ITPRID2: variants seen among roughly 807,000 people sequenced by gnomAD.
The protein encoded by ITPRID2 is protein ITPRID2.
ITPRID2 carries 60 observed loss-of-function variants against 124.3 expected under a neutral mutation model. That is an observed-to-expected ratio of 0.48 (90% CI 0.39 to 0.60). The LOEUF is 0.60. Among genes scored for constraint, ITPRID2 ranks in the 20% least tolerant of loss-of-function variants. The pLI is 0.00. For missense variants in ITPRID2, 1,553 were observed against 1,512.2 expected (o/e 1.03, Z -0.45); for synonymous variants, 521 against 542.9 (o/e 0.96, Z 0.56).
At position 181,915,281 on chromosome 2, in the gene ITPRID2, G is replaced by A. The variant is rs574772362; in HGVS notation, c.1641G>A (p.Thr547=). The change falls in exon 11 of 18, where the codon ACG becomes ACA. Residue 547 remains threonine (T), a synonymous_variant. Transcript: ENST00000431877. ...GTTGTGACAGTGAGACAACAGTTAC[G>A]TCACTTGGTGAAGACCTTGCCACAC... The part of the protein sequence containing the change: ...ADSCDSETTV[T]SLGEDLATPT... 3.2e-5 allele frequency: 52 copies of A among 1,614,174 alleles called. No homozygotes were observed. In the Admixed American group the frequency reaches 4.7e-4, roughly 14 times the overall value.
chr2:181,897,941 A>C (rs951731418), intron 4 of ITPRID2, among the ~76,000 whole-genome samples: 1 of 152,058 alleles, frequency 6.6e-6, no homozygotes, highest in Non-Finnish European at 1.5e-5. Context: ...ATTCCCACTC[A>C]GTACAATTGA....
At position 181,918,748 on chromosome 2, in the gene ITPRID2, A is replaced by C. The variant is rs1322507867; in HGVS notation, c.2866-7A>C. 6.2e-7 allele frequency: 1 copy of C among 1,613,792 alleles called. No individual in the cohort carries two copies. ...TAGAAGTGTAATTTTGTTATATTGC[A>C]TTCTAGAATACTTTTCAGGAGCTCC... On this transcript the variant is annotated splice_polypyrimidine_tract_variant and splice_region_variant and intron_variant, in intron 12 of 17. Transcript: ENST00000431877.
chr2:181,899,099 G>T lies in ITPRID2; in HGVS notation c.490G>T (p.Gly164Trp). Reference sequence around the variant, plus strand: ...TTCCACTGGATCTGGGAAAAGTAGTGGGACAGTTTCAAGGTAACTTATTCT... The same window carrying T: ...TTCCACTGGATCTGGGAAAAGTAGTTGGACAGTTTCAAGGTAACTTATTCT... ...MNSTGSGKSS[G>W]TVSSVSELLE... The change falls in exon 6 of 18, where the codon GGG becomes TGG. Residue 164 changes from glycine (G) to tryptophan (W), a missense_variant. By Grantham distance (184) the Gly-to-Trp change is radical. Transcript: ENST00000431877. The T allele has an allele frequency of 6.2e-7, 1 of 1,606,216 alleles. No individual in the cohort carries two copies. The highest frequency in any genetic ancestry group is 8.5e-7 in the Non-Finnish European group (1 of 1,176,776).
rs1694105050 is a variant in ITPRID2, at chr2:181,916,909, C to G, written c.2787+482C>G. On this transcript the variant is annotated intron_variant, in intron 11 of 17. Coordinates refer to ENST00000431877, the MANE Select transcript of ITPRID2 (RefSeq NM_001130445.3). ...TCGTAGCTCTCTGACTAAGCTTTCC[C>G]CTTCACCTACTGACCCTCGATGCTG... 19 of 994,988 alleles carry G rather than the reference C, an allele frequency of 1.9e-5. No homozygotes were observed. The South Asian group carries it at 8.0e-4, about 42-fold the overall frequency. The allele number at this position is 994,988 out of a possible 1,614,324, so 61.6% of individuals were successfully genotyped here. A position where few individuals can be genotyped will look rare whatever the true frequency, so the allele number is the denominator to read the frequency against.
chr2:181,921,528 T>TCTGG lies in ITPRID2; in HGVS notation c.3211-420_3211-419insCTGG, dbSNP rs1694484351. 2.0e-5 allele frequency among the ~76,000 whole-genome samples: 3 copies of TCTGG among 152,298 alleles called. No individual in the cohort carries two copies. In the South Asian group the frequency reaches 6.2e-4, roughly 32 times the overall value. ...AATTTACATTTCAGGAGACATGTGC[T>TCTGG]TTCACAGTTTGATCCTGGTTCTTTA... On this transcript the variant is annotated intron_variant, in intron 15 of 17. Transcript: ENST00000431877.
chr2:181,903,515 C>T (rs180818900), intron 8 of ITPRID2, among the ~76,000 whole-genome samples: 1 of 145,920 alleles, frequency 6.9e-6, no homozygotes, highest in African/African-American at 2.5e-5. Context: ...CTCTCTTGCT[C>T]CCTCCCTCCC....
At chr2:181,893,510 A>G (rs1691931415) in intron 2 of ITPRID2, 2 of 152,304 alleles carry the variant, frequency 1.3e-5, no homozygotes, top group Middle Eastern at 3.4e-3. Context: ...TTCATATGCC[A>G]GTTTGCCTCC....
chr2:181,921,071 T>A (rs1369180097), intron 15 of ITPRID2, among the ~76,000 whole-genome samples: 1 of 152,192 alleles, frequency 6.6e-6, no homozygotes, highest in African/African-American at 2.4e-5. Context: ...GTAGTCCCAG[T>A]TACTCAGGAG....
At chr2:181,923,403 AATTT>A (rs1406872788) in intron 16 of ITPRID2, among the ~76,000 whole-genome samples, 1 of 152,190 alleles carries the variant, frequency 6.6e-6, no homozygotes, top group African/African-American at 2.4e-5. Flanking sequence ...TCATATCTGT[AATTT>A]ATTTTCATGA....
At chr2:181,927,243 A>T (rs1163993379) in intron 16 of ITPRID2, among the ~76,000 whole-genome samples, 1 of 152,264 alleles carries the variant, frequency 6.6e-6, no homozygotes, top group African/African-American at 2.4e-5. Flanking sequence ...GGCTGACAGG[A>T]AACTGGAAAT....
At chr2:181,901,310 T>G (rs1692645741) in intron 7 of ITPRID2, among the ~76,000 whole-genome samples, 1 of 152,182 alleles carries the variant, frequency 6.6e-6, no homozygotes, top group Non-Finnish European at 1.5e-5. Context: ...AGCCAAAGAT[T>G]CCAAAAATAG....
intron 10 of ITPRID2, 130 bp from the exon 11 acceptor site, chr2:181,915,086 T>G: frequency 9.4e-7 from 1 of 1,061,796 alleles, no homozygotes; most frequent in South Asian, 1.6e-5. Context: ...ATAAAACAAT[T>G]TTGAGCAACA....
At position 181,892,600 on chromosome 2, in the gene ITPRID2, T is replaced by C. The variant is rs1488969203; in HGVS notation, c.212-15T>C. Reference sequence around the variant, plus strand: ...TCCTGGGTGGTAACGTGCTGTCCCCTCTCTCTACCCCCAGGAAACGTGCCC... The same window carrying C: ...TCCTGGGTGGTAACGTGCTGTCCCCCCTCTCTACCCCCAGGAAACGTGCCC... On this transcript the variant is annotated splice_polypyrimidine_tract_variant and intron_variant, in intron 1 of 17. Transcript: ENST00000431877. The surrounding 1 kb of genome is among the most constrained non-coding windows in gnomAD (Gnocchi z 5.2). The C allele has an allele frequency of 6.2e-7, 1 of 1,614,024 alleles. No individual in the cohort carries two copies. The highest frequency in any genetic ancestry group is 1.3e-5 in the African/African-American group (1 of 75,030).
Position 181,910,005 on chromosome 2 carries a change from A to G in ITPRID2, c.1486+34A>G, listed in dbSNP as rs1693474736. On this transcript the variant is annotated intron_variant, in intron 9 of 17. Coordinates refer to ENST00000431877, the MANE Select transcript of ITPRID2 (RefSeq NM_001130445.3). This position sits in a 1 kb window ranked among gnomAD's most constrained non-coding sequence, Gnocchi z 4.1. ...ACCAGTATCCACTAGTTCTGAGCACATTATCAAATATTAGTTGATTTGGAA... is the reference window on the plus strand; with the variant it reads ...ACCAGTATCCACTAGTTCTGAGCACGTTATCAAATATTAGTTGATTTGGAA... The G allele has an allele frequency of 1.3e-6, 2 of 1,498,062 alleles. No individual in the cohort carries two copies. The highest frequency in any genetic ancestry group is 1.1e-5 in the South Asian group (1 of 87,314). The allele number at this position is 1,498,062 out of a possible 1,614,324, so 92.8% of individuals were successfully genotyped here. A position where few individuals can be genotyped will look rare whatever the true frequency, so the allele number is the denominator to read the frequency against.
At chr2:181,909,447 G>GT (rs1309892265) in intron 8 of ITPRID2, among the ~76,000 whole-genome samples, 2 of 152,102 alleles carry the variant, frequency 1.3e-5, no homozygotes, top group African/African-American at 4.8e-5. Context: ...CTACTTTGAA[G>GT]TTTAACGTAT....
chr2:181,892,209 C>A lies in ITPRID2; in HGVS notation c.143C>A (p.Thr48Lys). 2 of 1,552,144 alleles carry A rather than the reference C, an allele frequency of 1.3e-6. No homozygotes were observed. Among genetic ancestry groups the A allele is most frequent in the Non-Finnish European group, 1.7e-6 (2 of 1,147,636 alleles). ...GAGGATCTGTCCACAGAAGCGACGA[C>A]GCAGGACGAGGAGGAGGACGAGGAG... ...ETEDLSTEATTQDEEEDEEED... is the reference protein window; with the variant it reads ...ETEDLSTEATKQDEEEDEEED... The change falls in exon 1 of 18, where the codon ACG becomes AAG. Residue 48 changes from threonine (T) to lysine (K), a missense_variant. Transcript: ENST00000431877. The surrounding 1 kb of genome is among the most constrained non-coding windows in gnomAD (Gnocchi z 5.2).
chr2:181,904,661 G>A (rs115237235), intron 8 of ITPRID2, among the ~76,000 whole-genome samples: 22 of 152,278 alleles, frequency 1.4e-4, no homozygotes, highest in Non-Finnish European at 3.2e-4. Flanking sequence ...GATTCTTGCT[G>A]GGAATTTTCT....
Position 181,900,875 on chromosome 2 carries a change from A to C in ITPRID2, c.683A>C (p.Glu228Ala). 6.2e-7 allele frequency: 1 copy of C among 1,611,000 alleles called. No homozygotes were observed. Among genetic ancestry groups the C allele is most frequent in the South Asian group, 1.1e-5 (1 of 89,990 alleles). The change falls in exon 7 of 18, where the codon GAA (glutamate) becomes GCA (alanine). Residue 228 changes from glutamate (E) to alanine (A), a missense_variant. By Grantham distance (107) the Glu-to-Ala change is moderately radical (BLOSUM62 -1). Transcript: ENST00000431877. ...TTGAGTGCTCAGATGCAACGGATGGAAGTAGAAAACCCAAATTATGCTTTA... is the reference window on the plus strand; with the variant it reads ...TTGAGTGCTCAGATGCAACGGATGGCAGTAGAAAACCCAAATTATGCTTTA... Reference protein sequence around the residue: ...VFLSAQMQRMEVENPNYALTS... With the variant: ...VFLSAQMQRMAVENPNYALTS...
intron 16 of ITPRID2, among the ~76,000 whole-genome samples, chr2:181,922,909 A>G (rs977215104): frequency 6.6e-6 from 1 of 152,064 alleles, no homozygotes; most frequent in African/African-American, 2.4e-5. Context: ...GCAGCAGAGC[A>G]AGACTCCATC....
Sources: gnomAD v4.1 joint callset for allele counts (sites outside exome capture counted in the v4.1 genomes callset) on GRCh38, gnomAD v4.1.1 for gene constraint, Gnocchi (gnomAD v3.1) non-coding constraint, MANE v1.5 for transcripts, NCBI Gene and HGNC (gene_info 2026-07-23, HGNC 2026-07-21) for gene names.